Variants in RNF41 observed in about 807,000 individuals in gnomAD.
The protein encoded by RNF41 is ring finger protein 41, also known as E3 ubiquitin-protein ligase NRDP1.
A neutral mutation model predicts 33.0 loss-of-function variants in RNF41; 4 were observed. The ratio of observed to expected loss-of-function variants is 0.12; its 90% CI spans 0.06 to 0.28. RNF41 has a LOEUF of 0.28. RNF41 is among the 10% of genes least tolerant of loss of function. The pLI is 1.00. For missense variants in RNF41, 228 were observed against 432.6 expected (o/e 0.53, Z 4.19); for synonymous variants, 164 against 153.2 (o/e 1.07, Z -0.52).
In RNF41 at chr12:56,206,808, G is replaced by C. The variant is rs1329518856; in HGVS notation, c.603-10C>G. 12 of 1,598,238 alleles carry C rather than the reference G, an allele frequency of 7.5e-6. No individual in the cohort carries two copies. The highest frequency in any genetic ancestry group is 1.0e-5 in the Non-Finnish European group (12 of 1,168,852). Reference sequence around the variant, plus strand: ...AAGGGAGTTCACCCACCTGTGTGGAGGTGGTTAAAGATGGTCATTCCAGCT... The same window carrying C: ...AAGGGAGTTCACCCACCTGTGTGGACGTGGTTAAAGATGGTCATTCCAGCT... On this transcript the variant is annotated splice_polypyrimidine_tract_variant and intron_variant, in intron 6 of 6. Transcript: ENST00000345093. This position sits in a 1 kb window ranked among gnomAD's most constrained non-coding sequence, Gnocchi z 5.7.
chr12:56,212,751 G>T (rs1868569115), intron 3 of RNF41, among the ~76,000 whole-genome samples: 1 of 152,072 alleles, frequency 6.6e-6, no homozygotes, highest in African/African-American at 2.4e-5. Flanking sequence ...ACTCCTTTTG[G>T]AGTAGTACTG....
intron 1 of RNF41, among the ~76,000 whole-genome samples, chr12:56,219,680 C>T (rs1415248259): frequency 6.6e-6 from 1 of 151,842 alleles, no homozygotes; most frequent in Non-Finnish European, 1.5e-5. Flanking sequence ...TACACGCGCG[C>T]ACCCCTTATA....
chr12:56,220,060 T>TAAATAA (rs1555229260), intron 1 of RNF41, among the ~76,000 whole-genome samples: 4 of 120,980 alleles, frequency 3.3e-5, no homozygotes, highest in East Asian at 5.0e-4. Flanking sequence ...TAAATAAATA[T>TAAATAA]GAAAGGATAC....
At chr12:56,210,998 G>A (rs912317187) in intron 3 of RNF41, among the ~76,000 whole-genome samples, 19 of 152,204 alleles carry the variant, frequency 1.2e-4, no homozygotes, top group Admixed American at 6.5e-5. Flanking sequence ...CAGCCTGACC[G>A]ACATGGTGAA....
chr12:56,205,256 G>T lies in RNF41; in HGVS notation c.*1191C>A. The T allele has an allele frequency of 6.6e-6, 1 of 152,198 alleles. No homozygotes were observed. Among genetic ancestry groups the T allele is most frequent in the East Asian group, 1.9e-4 (1 of 5,200 alleles). 9.4% of individuals were successfully genotyped at this position (152,198 alleles called of 1,614,324 possible). The stretch of plus-strand genomic sequence containing the variant: ...TGCTGGACTGTCATATCCTTCACAG[G>T]AAGAGAGGAAGCTCCTCATTTCAGT... On this transcript the variant is annotated 3_prime_UTR_variant, in exon 7 of 7. Transcript: ENST00000345093.
Position 56,207,769 on chromosome 12 carries a change from C to T in RNF41, c.499-20G>A. On this transcript the variant is annotated intron_variant, in intron 5 of 6. Coordinates refer to ENST00000345093, the MANE Select transcript of RNF41 (RefSeq NM_005785.4). ...TCGCTTCTGTTGTGGGGAAGAAGAA[C>T]AGGAATAATGGTTAAGGCAGACAGC... 1 of 1,584,944 alleles carries T rather than the reference C, an allele frequency of 6.3e-7. No homozygotes were observed. The highest frequency in any genetic ancestry group is 2.2e-5 in the East Asian group (1 of 44,762).
At position 56,219,618 on chromosome 12, in the gene RNF41, G is replaced by T. The variant is rs185366606; in HGVS notation, c.-209+2142C>A. On this transcript the variant is annotated intron_variant, in intron 1 of 6. Transcript: ENST00000345093. ...TGGGATTACAGGCGTGAGCCACTGCGCCCGGCGTAATATAAGGTGTATATA... is the reference window on the plus strand; with the variant it reads ...TGGGATTACAGGCGTGAGCCACTGCTCCCGGCGTAATATAAGGTGTATATA... Among the ~76,000 whole-genome samples the T allele has an allele frequency of 2.5e-3, 378 of 148,682 alleles. 4 individuals carry two copies. Among genetic ancestry groups the T allele is most frequent in the African/African-American group, 9.0e-3 (365 of 40,632 alleles).
At chr12:56,207,879 G>C in intron 5 of RNF41, 130 bp from the exon 6 acceptor site, 3 of 807,290 alleles carry the variant, frequency 3.7e-6, no homozygotes, top group Non-Finnish European at 6.4e-6. Context: ...GGAAGACAGG[G>C]ATAAGACTGT....
chr12:56,219,241 G>C (rs1280714930), intron 1 of RNF41, among the ~76,000 whole-genome samples: 1 of 150,858 alleles, frequency 6.6e-6, no homozygotes, highest in African/African-American at 2.4e-5. Context: ...ACCCAGGCTG[G>C]AGTGCAGTGA....
intron 1 of RNF41, among the ~76,000 whole-genome samples, chr12:56,219,631 T>A (rs1010037108): frequency 1.4e-4 from 13 of 91,784 alleles, no homozygotes; most frequent in Non-Finnish European, 3.3e-4. Flanking sequence ...CGGCGTAATA[T>A]AAGGTGTATA....
intron 1 of RNF41, among the ~76,000 whole-genome samples, chr12:56,219,621 C>T (rs1477031069): frequency 3.4e-5 from 5 of 145,820 alleles, no homozygotes; most frequent in African/African-American, 1.2e-4. Context: ...CCACTGCGCC[C>T]GGCGTAATAT....
chr12:56,217,043 G>A (rs1868952169), intron 1 of RNF41, among the ~76,000 whole-genome samples: 1 of 151,994 alleles, frequency 6.6e-6, no homozygotes, highest in Non-Finnish European at 1.5e-5. Flanking sequence ...GGGAGGCTGA[G>A]GCAGGAGAAT....
intron 6 of RNF41, chr12:56,207,294 T>C: frequency 7.4e-7 from 1 of 1,344,144 alleles, no homozygotes. Context: ...CCTCCTCTTC[T>C]CTGGGTTGTA....
At chr12:56,207,081 C>G in intron 6 of RNF41, 1 of 1,342,020 alleles carries the variant, frequency 7.5e-7, no homozygotes, top group Non-Finnish European at 9.6e-7. Flanking sequence ...ACAGTTAGTG[C>G]TCTATGTTTA....
intron 3 of RNF41, among the ~76,000 whole-genome samples, chr12:56,213,505 AC>A (rs1420286447): frequency 1.3e-5 from 2 of 152,102 alleles, no homozygotes; most frequent in Non-Finnish European, 2.9e-5. Flanking sequence ...TATTTGTTAG[AC>A]AGTAGGCAGG....
chr12:56,214,202 T>C, intron 2 of RNF41, 132 bp from the exon 3 acceptor site: 1 of 630,798 alleles, frequency 1.6e-6, no homozygotes, highest in Admixed American at 2.6e-5. Context: ...CAGCAGTCAT[T>C]TGGCTCGGTG....
In RNF41 at chr12:56,216,545, T is replaced by C. The variant is rs1868905389; in HGVS notation, c.-140A>G. 1 of 152,246 alleles carries C rather than the reference T, an allele frequency of 6.6e-6. No homozygotes were observed. Among genetic ancestry groups the C allele is most frequent in the Admixed American group, 6.5e-5 (1 of 15,280 alleles). The allele number at this position is 152,246 out of a possible 1,614,324, so 9.4% of individuals were successfully genotyped here. On this transcript the variant is annotated 5_prime_UTR_variant, in exon 2 of 7. Coordinates refer to ENST00000345093, the MANE Select transcript of RNF41 (RefSeq NM_005785.4). ...CCCATCTTGTTGGCTATTCTCCGAC[T>C]GAGTATTCCTTCCCAGTGACAAGCT...
In RNF41 at chr12:56,208,156, G is replaced by A; in HGVS notation, c.498+7C>T. The A allele has an allele frequency of 6.2e-7, 1 of 1,614,134 alleles. No homozygotes were observed. The highest frequency in any genetic ancestry group is 1.1e-5 in the South Asian group (1 of 91,082). On this transcript the variant is annotated splice_region_variant and intron_variant, in intron 5 of 6. Transcript: ENST00000345093. The stretch of plus-strand genomic sequence containing the variant: ...GGATATGTTCTCCCCCGTGTCTTGG[G>A]GCCTACCTGCTCCGCCAGCTGGTGT...
At chr12:56,207,887 T>C in intron 5 of RNF41, 138 bp from the exon 6 acceptor site, 1 of 782,792 alleles carries the variant, frequency 1.3e-6, no homozygotes, top group Non-Finnish European at 2.2e-6. Flanking sequence ...GGGATAAGAC[T>C]GTCTCACTCA....
Sources: gnomAD v4.1 joint callset for allele counts (sites outside exome capture counted in the v4.1 genomes callset) on GRCh38, gnomAD v4.1.1 for gene constraint, Gnocchi (gnomAD v3.1) non-coding constraint, MANE v1.5 for transcripts, NCBI Gene and HGNC (gene_info 2026-07-23, HGNC 2026-07-21) for gene names.